ZPBP: variants seen among roughly 807,000 people sequenced by gnomAD.
ZPBP encodes the protein zona pellucida-binding protein 1.
A neutral mutation model predicts 44.8 loss-of-function variants in ZPBP; 26 were observed. The observed-to-expected ratio is 0.58, with a 90% confidence interval of 0.43 to 0.81. The LOEUF (loss-of-function observed/expected upper bound fraction) is 0.81, where lower values mean the gene tolerates loss of function less well. Ranked by LOEUF, ZPBP falls within the 30% of genes least tolerant of loss-of-function variation. The pLI is 0.00. For missense variants in ZPBP, 409 were observed against 434.0 expected (o/e 0.94, Z 0.51); for synonymous variants, 174 against 153.2 (o/e 1.14, Z -1.00).
chr7:49,909,177 A>C (rs952455632), intron 1 of ZPBP, among the ~76,000 whole-genome samples: 1 of 152,188 alleles, frequency 6.6e-6, no homozygotes, highest in African/African-American at 2.4e-5. Context: ...ATTTCTCTGG[A>C]GATGAGACCT....
rs571852390 is a variant in ZPBP, at chr7:50,031,619, G to A, written c.488-309C>T. Reference sequence around the variant, plus strand: ...CCAATGCCTATGCTATCAAAACTAAGATTCTAACTTACCGAGCCTGGTCCC... The same window carrying A: ...CCAATGCCTATGCTATCAAAACTAAAATTCTAACTTACCGAGCCTGGTCCC... On this transcript the variant is annotated intron_variant, in intron 4 of 7. Coordinates refer to ENST00000046087, the MANE Select transcript of ZPBP (RefSeq NM_007009.3). 4.6e-5 allele frequency among the ~76,000 whole-genome samples: 7 copies of A among 152,142 alleles called. No individual in the cohort carries two copies. In the South Asian group the frequency reaches 6.2e-4, roughly 14 times the overall value.
intron 7 of ZPBP, among the ~76,000 whole-genome samples, chr7:49,957,411 G>A (rs1342405794): frequency 6.6e-6 from 1 of 152,144 alleles, no homozygotes; most frequent in South Asian, 2.1e-4. Context: ...TGAAAAGAGA[G>A]GCCTAGTGGG....
At chr7:50,075,949 T>C (rs1430765625) in intron 3 of ZPBP, among the ~76,000 whole-genome samples, 2 of 151,504 alleles carry the variant, frequency 1.3e-5, no homozygotes, top group African/African-American at 2.4e-5. Flanking sequence ...AAACACATCA[T>C]AAAAAGAAAA....
intron 7 of ZPBP, among the ~76,000 whole-genome samples, chr7:49,954,905 A>G (rs2128760681): frequency 6.6e-6 from 1 of 152,326 alleles, no homozygotes; most frequent in South Asian, 2.1e-4. Flanking sequence ...AGCATATAAC[A>G]TTTATCAAGA....
chr7:49,982,557 G>A (rs1167084600), intron 7 of ZPBP, among the ~76,000 whole-genome samples: 1 of 150,568 alleles, frequency 6.6e-6, no homozygotes, highest in Non-Finnish European at 1.5e-5. Flanking sequence ...AGAAAACAAA[G>A]CAAAAGGAAG....
At chr7:49,872,774 G>C (rs1233821738) in intron 2 of ZPBP, among the ~76,000 whole-genome samples, 1 of 147,366 alleles carries the variant, frequency 6.8e-6, no homozygotes, top group Admixed American at 6.8e-5. Context: ...AAATTAGTCC[G>C]GTGTGGTGGC....
chr7:49,892,108 A>G (rs901924159), intron 2 of ZPBP, among the ~76,000 whole-genome samples: 2 of 129,330 alleles, frequency 1.5e-5, no homozygotes, highest in Non-Finnish European at 3.1e-5. Context: ...GCAGTGGCGC[A>G]ATCTCGGCTC....
At chr7:49,958,946 AT>A (rs1449942798) in intron 7 of ZPBP, among the ~76,000 whole-genome samples, 1 of 152,198 alleles carries the variant, frequency 6.6e-6, no homozygotes, top group Non-Finnish European at 1.5e-5. Context: ...TGAAAAAGGT[AT>A]AAATATTAAC....
In ZPBP at chr7:49,981,699, A is replaced by G. The variant is rs1159315447; in HGVS notation, c.961+1643T>C. ...ATTATATATAATAATATATATAATTATATATAATATATTATATATAATATA... is the reference window on the plus strand; with the variant it reads ...ATTATATATAATAATATATATAATTGTATATAATATATTATATATAATATA... On this transcript the variant is annotated intron_variant, in intron 7 of 7. Coordinates refer to ENST00000046087, the MANE Select transcript of ZPBP (RefSeq NM_007009.3). Among the ~76,000 whole-genome samples the G allele has an allele frequency of 9.1e-3, 711 of 78,478 alleles. 15 individuals carry two copies. Among genetic ancestry groups the G allele is most frequent in the Non-Finnish European group, 0.013 (634 of 46,992 alleles). The allele number at this position is 78,478 out of a possible 152,430, so 51.5% of individuals were successfully genotyped here. A position where few individuals can be genotyped will look rare whatever the true frequency, so the allele number is the denominator to read the frequency against.
At chr7:50,048,213 GAAGA>G (rs1017345564) in intron 4 of ZPBP, among the ~76,000 whole-genome samples, 20 of 152,030 alleles carry the variant, frequency 1.3e-4, no homozygotes, top group African/African-American at 4.8e-4. Context: ...AGTATATCAG[GAAGA>G]AAGAACAATT....
chr7:49,898,399 T>C (rs1792510931), intron 2 of ZPBP, among the ~76,000 whole-genome samples: 1 of 151,994 alleles, frequency 6.6e-6, no homozygotes, highest in Admixed American at 6.6e-5. Context: ...ACCCATACAA[T>C]TTTCTTTCTC....
intron 3 of ZPBP, among the ~76,000 whole-genome samples, chr7:50,075,202 T>C (rs1802022893): frequency 6.6e-6 from 1 of 151,762 alleles, no homozygotes; most frequent in Non-Finnish European, 1.5e-5. Flanking sequence ...AAGGATGAAA[T>C]TGAAAATTTT....
chr7:49,982,300 A>T (rs372910795), intron 7 of ZPBP, among the ~76,000 whole-genome samples: 1 of 17,502 alleles, frequency 5.7e-5, no homozygotes, highest in Non-Finnish European at 8.7e-5. Flanking sequence ...TAATATATAT[A>T]ATATATAATT....
At chr7:49,854,717 A>G (rs931083367) in intron 2 of ZPBP, among the ~76,000 whole-genome samples, 1 of 152,184 alleles carries the variant, frequency 6.6e-6, no homozygotes, top group African/African-American at 2.4e-5. Context: ...CTTTAGTTTA[A>G]TTAGATCCCA....
chr7:50,093,158 T>A lies in ZPBP; in HGVS notation c.37A>T (p.Arg13Trp). The A allele has an allele frequency of 6.5e-7, 1 of 1,538,076 alleles. No individual in the cohort carries two copies. Among genetic ancestry groups the A allele is most frequent in the South Asian group, 1.2e-5 (1 of 82,824 alleles). Residue 13 changes from arginine (R) to tryptophan (W), a missense_variant, in exon 1 of 8, where the codon AGG becomes TGG. Physicochemically the swap from Arg to Trp is moderately radical, Grantham distance 101 (BLOSUM62 -3). Coordinates refer to ENST00000046087, the MANE Select transcript of ZPBP (RefSeq NM_007009.3). Reference protein sequence around the residue: ...AFALGPARRGRRRTRAAGSLL... With the variant: ...AFALGPARRGWRRTRAAGSLL... ...GAGCCGGCGGCCCGGGTCCGCCGCCTGCCCCGCCGCGCTGGGCCAAGGGCG... is the reference window on the plus strand; with the variant it reads ...GAGCCGGCGGCCCGGGTCCGCCGCCAGCCCCGCCGCGCTGGGCCAAGGGCG...
chr7:49,955,344 G>T (rs1795534847), intron 7 of ZPBP, among the ~76,000 whole-genome samples: 1 of 152,062 alleles, frequency 6.6e-6, no homozygotes, highest in Non-Finnish European at 1.5e-5. Flanking sequence ...GGATCACAAG[G>T]TCAGCCACTC....
intron 6 of ZPBP, among the ~76,000 whole-genome samples, chr7:50,001,721 A>G (rs912413215): frequency 2.0e-5 from 3 of 152,134 alleles, no homozygotes; most frequent in Non-Finnish European, 4.4e-5. Flanking sequence ...TACTACCTTG[A>G]AAAAGTTTTA....
chr7:50,041,045 G>C (rs941764959), intron 4 of ZPBP, among the ~76,000 whole-genome samples: 6 of 152,200 alleles, frequency 3.9e-5, no homozygotes, highest in Admixed American at 6.5e-5. Flanking sequence ...CTGCCTGGAA[G>C]TTTGAACTGG....
At chr7:49,977,007 CAGG>C (rs1169746098) in intron 7 of ZPBP, among the ~76,000 whole-genome samples, 1 of 151,818 alleles carries the variant, frequency 6.6e-6, no homozygotes, top group African/African-American at 2.4e-5. Context: ...GCGCCTGAGG[CAGG>C]AGAAGGGCGT....
Sources: allele counts gnomAD v4.1 joint callset (sites outside exome capture counted in the v4.1 genomes callset), GRCh38; gene constraint gnomAD v4.1.1; transcripts MANE v1.5; gene names NCBI Gene and HGNC (gene_info 2026-07-23, HGNC 2026-07-21).